Variants in CHAF1A observed in about 807,000 individuals in gnomAD.
CHAF1A encodes the protein chromatin assembly factor 1 subunit A.
In CHAF1A, 5 loss-of-function variants were observed where a neutral mutation model predicts 93.2. The ratio of observed to expected loss-of-function variants is 0.05; its 90% CI spans 0.03 to 0.11. The LOEUF (loss-of-function observed/expected upper bound fraction) is 0.11. CHAF1A is among the 10% of genes least tolerant of loss of function. The pLI, the probability that CHAF1A is intolerant of heterozygous loss-of-function variation, is 1.00. For synonymous variants in CHAF1A, 504 were observed against 510.3 expected, an observed-to-expected ratio of 0.99 and a Z score of 0.17; for missense variants, 1,102 against 1,259.9, an observed-to-expected ratio of 0.87 and a Z score of 1.90.
chr19:4,427,944 G>A (rs1342848984), intron 7 of CHAF1A, among the ~76,000 whole-genome samples: 4 of 152,156 alleles, frequency 2.6e-5, no homozygotes, highest in Non-Finnish European at 5.9e-5. Context: ...GGCTGGTCTC[G>A]AACTCCTGAC....
In CHAF1A at chr19:4,429,572, T is replaced by C; in HGVS notation, c.1739T>C (p.Leu580Pro). The change falls in exon 9 of 15, where the codon CTC (leucine) becomes CCC (proline). Residue 580 changes from leucine to proline, a missense_variant. By Grantham distance (98) the Leu-to-Pro change is moderately conservative (BLOSUM62 -3). Coordinates refer to ENST00000301280, the MANE Select transcript of CHAF1A (RefSeq NM_005483.3). ...YWGTWNKKTA[L>P]IRARDPWAQD... ...GGTACCTGGAATAAGAAGACGGCAC[T>C]CATCCGCGCGCGAGACCCCTGGGCC... The C allele has an allele frequency of 6.2e-7, 1 of 1,614,010 alleles. No homozygotes were observed. The highest frequency in any genetic ancestry group is 2.2e-5 in the East Asian group (1 of 44,870).
downstream of CHAF1A, chr19:4,445,297 G>A (rs1974482010): frequency 1.2e-6 from 1 of 819,700 alleles, no homozygotes; most frequent in Non-Finnish European, 1.9e-6. Flanking sequence ...TCGGGGGCTT[G>A]GGCGCATCCC....
At chr19:4,442,867 C>A (rs1974419797) in intron 14 of CHAF1A, 58 bp from the exon 15 acceptor site, 1 of 1,324,902 alleles carries the variant, frequency 7.5e-7, no homozygotes, top group South Asian at 1.5e-5. Context: ...GTGGGGTCTT[C>A]CCCCAGGGAG....
chr19:4,432,233 C>G, intron 12 of CHAF1A, 26 bp downstream of exon 12: 1 of 1,572,258 alleles, frequency 6.4e-7, no homozygotes, highest in Non-Finnish European at 8.6e-7. Flanking sequence ...GCCAGGCCAC[C>G]CACCTGTTCC....
In CHAF1A at chr19:4,422,793, G is replaced by A. The variant is rs2145106140; in HGVS notation, c.1245G>A (p.Leu415=). The change falls in exon 5 of 15, where the codon CTG becomes CTA. Residue 415 remains leucine (L), a splice_region_variant and synonymous_variant. Coordinates refer to ENST00000301280, the MANE Select transcript of CHAF1A (RefSeq NM_005483.3). This position sits in a 1 kb window ranked among gnomAD's most constrained non-coding sequence, Gnocchi z 4.6. Reference sequence around the variant, plus strand: ...GGCGCAAGGAGAGACAGGAAGCCCTGGAGTGAGTGTCCTTGGAGGCCATGC... The same window carrying A: ...GGCGCAAGGAGAGACAGGAAGCCCTAGAGTGAGTGTCCTTGGAGGCCATGC... ...EERRKERQEA[L]EAKLEEKRKK... 1 of 1,612,294 alleles carries A rather than the reference G, an allele frequency of 6.2e-7. No homozygotes were observed. Among genetic ancestry groups the A allele is most frequent in the East Asian group, 2.2e-5 (1 of 44,878 alleles).
chr19:4,443,401 G>C (rs973688385), downstream of CHAF1A: 1 of 218,780 alleles, frequency 4.6e-6, no homozygotes, highest in African/African-American at 2.3e-5. Context: ...GCCCTGAGCT[G>C]CTCTGTCTGT....
chr19:4,431,955 T>C lies in CHAF1A; in HGVS notation c.1951T>C (p.Cys651Arg). ...CTTCTGCTTTCTAAACCACAAGGAG[T>C]GTGCCGACCCTGAGAACCATAAGGT... The part of the protein sequence containing the change: ...LSEDEGVTEE[C>R]ADPENHKVRQ... Residue 651 changes from cysteine to arginine, a missense_variant, in exon 12 of 15, where the codon TGT becomes CGT. Cys to Arg is a radical substitution (Grantham distance 180). Coordinates refer to ENST00000301280, the MANE Select transcript of CHAF1A (RefSeq NM_005483.3). 1 of 1,603,314 alleles carries C rather than the reference T, an allele frequency of 6.2e-7. No individual in the cohort carries two copies. The highest frequency in any genetic ancestry group is 8.5e-7 in the Non-Finnish European group (1 of 1,172,158).
In CHAF1A at chr19:4,409,654, G is replaced by A. The variant is rs767413866; in HGVS notation, c.855G>A (p.Ser285=). ...FPEEDSVLSH[S]SLSSPSSTSS... is the part of the protein sequence containing the mutation. ...AAGAAGACTCTGTACTCAGCCATTC[G>A]TCCCTGAGCTCTCCCTCTTCCACCA... Residue 285 remains serine, a synonymous_variant, in exon 3 of 15, where the codon TCG becomes TCA. Transcript: ENST00000301280. 24 of 1,614,012 alleles carry A rather than the reference G, an allele frequency of 1.5e-5. No individual in the cohort carries two copies. The highest frequency in any genetic ancestry group is 2.2e-5 in the East Asian group (1 of 44,898).
chr19:4,428,630 T>C (rs1599654572), intron 7 of CHAF1A, 34 bp from the exon 8 acceptor site: 1 of 1,572,888 alleles, frequency 6.4e-7, no homozygotes, highest in East Asian at 2.2e-5. Flanking sequence ...CTCCCATTGC[T>C]CGAAGACCCC....
Position 4,433,231 on chromosome 19 carries a change from G to C in CHAF1A, c.2365G>C (p.Asp789His), listed in dbSNP as rs777336943. 2.5e-6 allele frequency: 4 copies of C among 1,614,178 alleles called. No individual in the cohort carries two copies. Among genetic ancestry groups the C allele is most frequent in the Non-Finnish European group, 3.4e-6 (4 of 1,180,032 alleles). ...CCTGCACACCCCCACCCCCAGCGAG[G>C]ATGCCGCCATCCCCTCTAAGTCCCG... is the stretch of plus-strand genomic sequence containing the variant. ...TYLHTPTPSE[D>H]AAIPSKSRLK... Residue 789 changes from aspartate (D) to histidine (H), a missense_variant, in exon 13 of 15, where the codon GAT becomes CAT. Around this residue, in one of 6 missense-constraint regions of CHAF1A, gnomAD observed 335 missense variants for 361.9 expected, o/e 0.93. Transcript: ENST00000301280. This position sits in a 1 kb window ranked among gnomAD's most constrained non-coding sequence, Gnocchi z 5.6.
chr19:4,442,110 GT>G, intron 13 of CHAF1A, 134 bp from the exon 14 acceptor site: 2 of 685,762 alleles, frequency 2.9e-6, no homozygotes, highest in South Asian at 3.4e-5. Context: ...ACCAAATTGG[GT>G]TCTGGATGTT....
rs148367428 is a variant in CHAF1A, at chr19:4,414,881, T to G, written c.961-3139T>G. The stretch of plus-strand genomic sequence containing the variant: ...CTTGGGCCAATTGGAGGTTTTCTCT[T>G]TTCCCCCCTGCCTCCGCTCCCCTGC... On this transcript the variant is annotated intron_variant, in intron 3 of 14. Coordinates refer to ENST00000301280, the MANE Select transcript of CHAF1A (RefSeq NM_005483.3). Among the ~76,000 whole-genome samples, 7 of 152,312 alleles carry G rather than the reference T, an allele frequency of 4.6e-5. No homozygotes were observed. In the East Asian group the frequency reaches 1.3e-3, roughly 29 times the overall value.
At chr19:4,404,530 T>C (rs1973645775) in intron 1 of CHAF1A, among the ~76,000 whole-genome samples, 1 of 152,218 alleles carries the variant, frequency 6.6e-6, no homozygotes, top group Admixed American at 6.5e-5. Flanking sequence ...CTTTATTTCT[T>C]TGAAGTGGCT....
At position 4,438,614 on chromosome 19, in the gene CHAF1A, T is replaced by C. The variant is rs183458671; in HGVS notation, c.2674-3631T>C. Among the ~76,000 whole-genome samples, 213 of 152,338 alleles carry C rather than the reference T, an allele frequency of 1.4e-3. 3 individuals carry two copies. The highest frequency in any genetic ancestry group is 0.014 in the Admixed American group (207 of 15,296). ...CTCAACTCTTCGGGCCTCCGTTTTA[T>C]TTAAAAATTTTAAAATACAAGGAAG... On this transcript the variant is annotated intron_variant, in intron 13 of 14. Transcript: ENST00000301280.
intron 6 of CHAF1A, 62 bp downstream of exon 6, chr19:4,423,457 G>A: frequency 6.2e-7 from 1 of 1,608,414 alleles, no homozygotes; most frequent in Non-Finnish European, 8.5e-7. Context: ...TGCCCAAAGT[G>A]GAATTCTTGC....
At chr19:4,450,822 T>C in the CHAF1A span, 1 of 140,518 alleles carries the variant, frequency 7.1e-6, no homozygotes, top group African/African-American at 2.6e-5. Flanking sequence ...AGACAAACTA[T>C]CTACTAAATA....
At chr19:4,432,983 A>C in intron 12 of CHAF1A, 87 bp from the exon 13 acceptor site, 4 of 1,107,028 alleles carry the variant, frequency 3.6e-6, no homozygotes, top group Non-Finnish European at 5.1e-6. Context: ...CTCGGTGGCA[A>C]TGAGCTTGTG....
Position 4,429,438 on chromosome 19 carries a change from T to C in CHAF1A, c.1605T>C (p.Ser535=), listed in dbSNP as rs771279010. 4 of 1,613,412 alleles carry C rather than the reference T, an allele frequency of 2.5e-6. No homozygotes were observed. In the African/African-American group the frequency reaches 5.3e-5, roughly 22 times the overall value. ...CTGAGCCTGGGGTTTTCCTTCTCAG[T>C]GATGTCGTCATCGTGGAGCGTGGGA... The part of the protein sequence containing the change: ...VSTRNADIFN[S]DVVIVERGKG... Residue 535 remains serine, a splice_region_variant and synonymous_variant, in exon 9 of 15, where the codon AGT becomes AGC. Coordinates refer to ENST00000301280, the MANE Select transcript of CHAF1A (RefSeq NM_005483.3).
At chr19:4,449,014 T>C (rs2145177457), downstream of CHAF1A, 1 of 155,044 alleles carries the variant, frequency 6.4e-6, no homozygotes, top group East Asian at 1.9e-4. Flanking sequence ...CCTATCCACC[T>C]ATGTTACCGG....
Sources: allele counts gnomAD v4.1 joint callset (sites outside exome capture counted in the v4.1 genomes callset), GRCh38; gene constraint gnomAD v4.1.1; regional missense constraint gnomAD v4.1.1; non-coding constraint Gnocchi (gnomAD v3.1); transcripts MANE v1.5; gene names NCBI Gene and HGNC (gene_info 2026-07-23, HGNC 2026-07-21).